Variants in NRG2 observed in about 807,000 individuals in gnomAD.
The protein encoded by NRG2 is pro-neuregulin-2, membrane-bound isoform.
Under a neutral mutation model 73.9 loss-of-function variants are expected in NRG2, and 27 were observed. The ratio of observed to expected loss-of-function variants is 0.37; its 90% confidence interval spans 0.27 to 0.50. The LOEUF is 0.50. Ranked by LOEUF, NRG2 falls within the 20% of genes least tolerant of loss-of-function variation. The pLI, the probability that NRG2 is intolerant of heterozygous loss-of-function variation, is 0.96. For missense variants in NRG2, 1,126 were observed against 1,210.1 expected, an observed-to-expected ratio of 0.93 and a Z score of 1.03; for synonymous variants, 532 against 541.0, an observed-to-expected ratio of 0.98 and a Z score of 0.23.
intron 1 of NRG2, among the ~76,000 whole-genome samples, chr5:139,956,183 C>T (rs573934046): frequency 2.0e-4 from 30 of 152,250 alleles, no homozygotes; most frequent in Admixed American, 1.6e-3. Flanking sequence ...CCATTTCTCC[C>T]TCCCTAGCTT....
At chr5:139,978,862 T>A (rs1756576162) in intron 1 of NRG2, among the ~76,000 whole-genome samples, 1 of 151,760 alleles carries the variant, frequency 6.6e-6, no homozygotes, top group Admixed American at 6.6e-5. Flanking sequence ...TAGACTGGAT[T>A]AAGAAAATGT....
intron 3 of NRG2, 76 bp from the exon 4 acceptor site, chr5:139,871,917 C>T (rs550294289): frequency 1.9e-6 from 3 of 1,555,142 alleles, no homozygotes; most frequent in Non-Finnish European, 2.6e-6. Flanking sequence ...CCTTCATGCC[C>T]CACGTCAAAA....
chr5:139,923,083 T>C (rs1171356121), intron 1 of NRG2, among the ~76,000 whole-genome samples: 1 of 152,172 alleles, frequency 6.6e-6, no homozygotes, highest in Admixed American at 6.5e-5. Context: ...GAGTGAACTC[T>C]AGTGTAAACT....
At chr5:140,042,329 C>T (rs1289590611) in intron 1 of NRG2, 41 bp downstream of exon 1, 11 of 1,449,466 alleles carry the variant, frequency 7.6e-6, no homozygotes, top group Non-Finnish European at 9.2e-6. Context: ...CACCACCTCG[C>T]CCCTCCCCCC....
Position 139,904,195 on chromosome 5 carries a change from G to T in NRG2, c.701-16684C>A. 1 of 1,133,090 alleles carries T rather than the reference G, an allele frequency of 8.8e-7. No individual in the cohort carries two copies. Among genetic ancestry groups the T allele is most frequent in the Non-Finnish European group, 1.1e-6 (1 of 873,902 alleles). The allele number at this position is 1,133,090 out of a possible 1,614,324, so 70.2% of individuals were successfully genotyped here. A position where few individuals can be genotyped will look rare whatever the true frequency, so the allele number is the denominator to read the frequency against. On this transcript the variant is annotated intron_variant, in intron 1 of 9. Coordinates refer to ENST00000361474, the MANE Select transcript of NRG2 (RefSeq NM_004883.3). The surrounding 1 kb of genome is among the most constrained non-coding windows in gnomAD (Gnocchi z 6.0). ...ACGCGCGCCCTCGGTGCCTGTCACC[G>T]CGGCGGCCGCTAGCGCAGCCTAGAC...
At chr5:139,883,226 G>A (rs796273825) in intron 2 of NRG2, among the ~76,000 whole-genome samples, 10 of 116,982 alleles carry the variant, frequency 8.5e-5, no homozygotes, top group Non-Finnish European at 1.5e-4. Flanking sequence ...TGGTGACCAC[G>A]CCCTCCCCCC....
intron 1 of NRG2, among the ~76,000 whole-genome samples, chr5:139,911,465 GC>G (rs113751697): frequency 0.024 from 3,720 of 152,282 alleles, 163 homozygotes; most frequent in African/African-American, 0.086. Flanking sequence ...ATCTCTCTCA[GC>G]CCCCACCTTC....
chr5:139,896,450 C>A (rs1764547373), intron 1 of NRG2, among the ~76,000 whole-genome samples: 1 of 152,038 alleles, frequency 6.6e-6, no homozygotes, highest in Non-Finnish European at 1.5e-5. Flanking sequence ...GCATGAAAGT[C>A]CCAGCTTAGG....
At position 139,853,334 on chromosome 5, in the gene NRG2, A is replaced by AT. The variant is rs1226303905; in HGVS notation, c.1293-308dup. ...TCCTCATCTATAAGACAGGGTGATC[A>AT]TTTATCCATTCCAAAGACTATTGAG... On this transcript the variant is annotated intron_variant, in intron 6 of 9. Coordinates refer to ENST00000361474, the MANE Select transcript of NRG2 (RefSeq NM_004883.3). This position sits in a 1 kb window ranked among gnomAD's most constrained non-coding sequence, Gnocchi z 4.1. 6.6e-6 allele frequency among the ~76,000 whole-genome samples: 1 copy of AT among 152,232 alleles called. No homozygotes were observed. The highest frequency in any genetic ancestry group is 6.5e-5 in the Admixed American group (1 of 15,280).
chr5:139,973,156 C>CAA (rs58053481), intron 1 of NRG2, among the ~76,000 whole-genome samples: 1,093 of 89,232 alleles, frequency 0.012, 30 homozygotes, highest in Middle Eastern at 0.022. Context: ...TAAGAATATG[C>CAA]AAAAAAAAAA....
At chr5:139,857,451 C>T (rs1286097618) in intron 5 of NRG2, among the ~76,000 whole-genome samples, 1 of 152,084 alleles carries the variant, frequency 6.6e-6, no homozygotes, top group African/African-American at 2.4e-5. Context: ...GACTGGTTCC[C>T]CTCACTCCAT....
intron 1 of NRG2, among the ~76,000 whole-genome samples, chr5:139,900,887 C>T (rs73791228): frequency 0.012 from 1,783 of 152,316 alleles, 29 homozygotes; most frequent in African/African-American, 0.041. Context: ...CTTGGGATTC[C>T]TGCAAAAATC....
intron 9 of NRG2, among the ~76,000 whole-genome samples, chr5:139,849,996 C>G (rs1484675992): frequency 2.0e-5 from 3 of 152,216 alleles, no homozygotes; most frequent in Non-Finnish European, 2.9e-5. Flanking sequence ...TCCCTACAGC[C>G]CACTCTGTTC....
chr5:139,872,160 A>T (rs1236082782), intron 3 of NRG2, among the ~76,000 whole-genome samples: 2 of 151,836 alleles, frequency 1.3e-5, no homozygotes, highest in Non-Finnish European at 2.9e-5. Flanking sequence ...ATAAGGGCCC[A>T]CCTCTCCCCT....
At chr5:140,014,567 TCTCA>T in intron 1 of NRG2, among the ~76,000 whole-genome samples, 1 of 152,172 alleles carries the variant, frequency 6.6e-6, no homozygotes, top group African/African-American at 2.4e-5. Flanking sequence ...TCCTTTTCTG[TCTCA>T]CTCTATATTT....
chr5:139,855,903 T>C, intron 5 of NRG2, 125 bp from the exon 6 acceptor site: 1 of 695,026 alleles, frequency 1.4e-6, no homozygotes, highest in Non-Finnish European at 2.5e-6. Context: ...CCAGCTCCTT[T>C]CCATCCCTTT....
chr5:140,024,023 C>T (rs1264827849), intron 1 of NRG2, among the ~76,000 whole-genome samples: 1 of 151,978 alleles, frequency 6.6e-6, no homozygotes, highest in African/African-American at 2.4e-5. Flanking sequence ...GTCAAACAGA[C>T]GTAAAACTGA....
chr5:139,904,293 C>T lies in NRG2; in HGVS notation c.701-16782G>A, dbSNP rs1307983753. ...CAGGGAAACCGGGTTTCTGGGCGCG[C>T]GGAGGTGCCCTACCTTTCTCCCCGG... On this transcript the variant is annotated intron_variant, in intron 1 of 9. Coordinates refer to ENST00000361474, the MANE Select transcript of NRG2 (RefSeq NM_004883.3). This position sits in a 1 kb window ranked among gnomAD's most constrained non-coding sequence, Gnocchi z 6.0. 11 of 1,585,372 alleles carry T rather than the reference C, an allele frequency of 6.9e-6. No individual in the cohort carries two copies. Among genetic ancestry groups the T allele is most frequent in the Non-Finnish European group, 9.4e-6 (11 of 1,174,340 alleles).
chr5:139,938,896 GAAAGAAAGAAAA>G (rs1561693789), intron 1 of NRG2, among the ~76,000 whole-genome samples: 7 of 70,178 alleles, frequency 1.0e-4, no homozygotes, highest in African/African-American at 2.7e-4. Context: ...AAGAAAGAAA[GAAAGAAAGAAAA>G]GAAAGAAAGA....
Sources: allele counts gnomAD v4.1 joint callset (sites outside exome capture counted in the v4.1 genomes callset), GRCh38; gene constraint gnomAD v4.1.1; non-coding constraint Gnocchi (gnomAD v3.1); transcripts MANE v1.5; gene names NCBI Gene and HGNC (gene_info 2026-07-23, HGNC 2026-07-21).